Variants in MYOZ2 observed in about 807,000 individuals in gnomAD.
MYOZ2 encodes myozenin-2.
MYOZ2 carries 19 observed loss-of-function variants against 25.4 expected under a neutral mutation model. The observed-to-expected ratio is 0.75, with a 90% confidence interval of 0.52 to 1.10. The LOEUF (loss-of-function observed/expected upper bound fraction) is 1.10, where lower values mean the gene tolerates loss of function less well. MYOZ2 is among the 50% of genes least tolerant of loss of function. The pLI, the probability that MYOZ2 is intolerant of heterozygous loss-of-function variation, is 0.00. For missense variants in MYOZ2, 270 were observed against 317.9 expected, an observed-to-expected ratio of 0.85 and a Z score of 1.15; for synonymous variants, 92 against 106.9, an observed-to-expected ratio of 0.86 and a Z score of 0.86.
At chr4:119,183,431 AAG>A (rs1742228327) in intron 5 of MYOZ2, among the ~76,000 whole-genome samples, 1 of 152,014 alleles carries the variant, frequency 6.6e-6, no homozygotes, top group Non-Finnish European at 1.5e-5. Context: ...AGAAAAAAAA[AAG>A]AGTATGATTA....
intron 4 of MYOZ2, among the ~76,000 whole-genome samples, chr4:119,160,518 ATATC>A (rs2149224143): frequency 6.6e-6 from 1 of 152,264 alleles, no homozygotes; most frequent in Admixed American, 6.5e-5. Flanking sequence ...TGTCCAAAGA[ATATC>A]TATATTTTCA....
chr4:119,155,986 A>G (rs4834758), intron 3 of MYOZ2, among the ~76,000 whole-genome samples: 145,551 of 152,206 alleles, frequency 0.96, 69,628 homozygotes, highest in East Asian at 0.99. Flanking sequence ...GCTATATAAG[A>G]CACCATCTTA....
intron 3 of MYOZ2, among the ~76,000 whole-genome samples, chr4:119,154,542 C>T (rs1384534623): frequency 1.3e-5 from 2 of 152,056 alleles, no homozygotes; most frequent in Admixed American, 6.6e-5. Flanking sequence ...CATTAATCCC[C>T]AGGAAGAGGT....
At chr4:119,142,375 C>T (rs943445204) in intron 2 of MYOZ2, among the ~76,000 whole-genome samples, 2 of 152,148 alleles carry the variant, frequency 1.3e-5, no homozygotes, top group African/African-American at 2.4e-5. Flanking sequence ...GTTGAAATAT[C>T]GCATCCCCAT....
chr4:119,154,464 G>A (rs1428073325), intron 3 of MYOZ2, among the ~76,000 whole-genome samples: 1 of 152,198 alleles, frequency 6.6e-6, no homozygotes, highest in East Asian at 1.9e-4. Context: ...TCTTAACGAT[G>A]ATGTAGAGGT....
chr4:119,150,813 A>T (rs1741429948), intron 2 of MYOZ2, 59 bp from the exon 3 acceptor site: 1 of 1,512,814 alleles, frequency 6.6e-7, no homozygotes, highest in Admixed American at 1.7e-5. Flanking sequence ...TAAGAAATTT[A>T]TAAAAGCATT....
At chr4:119,171,222 A>G (rs977254139) in intron 5 of MYOZ2, among the ~76,000 whole-genome samples, 1 of 152,172 alleles carries the variant, frequency 6.6e-6, no homozygotes, top group African/African-American at 2.4e-5. Context: ...TGACATGATT[A>G]TGTCCATAGA....
intron 2 of MYOZ2, among the ~76,000 whole-genome samples, chr4:119,148,330 C>A (rs929857071): frequency 8.6e-5 from 13 of 151,990 alleles, no homozygotes; most frequent in African/African-American, 2.9e-4. Flanking sequence ...GTGAGTTATT[C>A]AGGTTTATTA....
At chr4:119,171,867 A>C (rs536407939) in intron 5 of MYOZ2, among the ~76,000 whole-genome samples, 21 of 152,000 alleles carry the variant, frequency 1.4e-4, no homozygotes, top group South Asian at 6.2e-4. Context: ...CAGAAGAAAG[A>C]GACAAAGAGA....
chr4:119,145,732 A>C (rs1741278450), intron 2 of MYOZ2, among the ~76,000 whole-genome samples: 1 of 152,070 alleles, frequency 6.6e-6, no homozygotes, highest in Non-Finnish European at 1.5e-5. Flanking sequence ...ACCTTAATGA[A>C]ATGAACTAGG....
chr4:119,172,057 T>C (rs1041801073), intron 5 of MYOZ2, among the ~76,000 whole-genome samples: 9 of 152,218 alleles, frequency 5.9e-5, no homozygotes, highest in African/African-American at 1.9e-4. Context: ...CTTCTAAGTC[T>C]AATCACAATT....
chr4:119,178,523 C>T (rs1167468739), intron 5 of MYOZ2, among the ~76,000 whole-genome samples: 2 of 152,184 alleles, frequency 1.3e-5, no homozygotes, highest in Non-Finnish European at 2.9e-5. Flanking sequence ...CCCTGTTGCT[C>T]ACATAAACAA....
intron 2 of MYOZ2, among the ~76,000 whole-genome samples, chr4:119,150,217 A>T (rs1011337959): frequency 2.6e-5 from 4 of 152,200 alleles, no homozygotes; most frequent in Non-Finnish European, 4.4e-5. Flanking sequence ...CAAACCATAA[A>T]ACAAATAAAA....
chr4:119,165,388 G>A (rs1322645199), intron 5 of MYOZ2, among the ~76,000 whole-genome samples: 1 of 151,796 alleles, frequency 6.6e-6, no homozygotes, highest in Non-Finnish European at 1.5e-5. Flanking sequence ...GCATGTACCT[G>A]TAGTCCCAGC....
chr4:119,163,691 T>C (rs1741756142), intron 4 of MYOZ2, among the ~76,000 whole-genome samples: 1 of 152,164 alleles, frequency 6.6e-6, no homozygotes, highest in South Asian at 2.1e-4. Flanking sequence ...AGTTACTTCA[T>C]CTTCTTGAAG....
At chr4:119,180,238 A>G (rs1052619519) in intron 5 of MYOZ2, among the ~76,000 whole-genome samples, 2 of 152,010 alleles carry the variant, frequency 1.3e-5, no homozygotes, top group Non-Finnish European at 2.9e-5. Flanking sequence ...GTTTGCTTTT[A>G]TTGCCTGTGG....
intron 1 of MYOZ2, 33 bp from the exon 2 acceptor site, chr4:119,136,479 A>T: frequency 6.4e-7 from 1 of 1,560,620 alleles, no homozygotes; most frequent in Non-Finnish European, 8.8e-7. Context: ...AGTTCTTCAC[A>T]TTGCCTCAAT....
At chr4:119,173,905 G>A (rs997050723) in intron 5 of MYOZ2, among the ~76,000 whole-genome samples, 2 of 152,238 alleles carry the variant, frequency 1.3e-5, no homozygotes, top group African/African-American at 2.4e-5. Context: ...TGCCGGCCCG[G>A]GGCAATGAGG....
intron 5 of MYOZ2, among the ~76,000 whole-genome samples, chr4:119,173,143 T>C (rs1174478378): frequency 6.6e-6 from 1 of 152,246 alleles, no homozygotes; most frequent in Non-Finnish European, 1.5e-5. Context: ...ATATATCCAG[T>C]ACTATTAGTT....
Sources: gnomAD v4.1 joint callset for allele counts (sites outside exome capture counted in the v4.1 genomes callset) on GRCh38, gnomAD v4.1.1 for gene constraint, MANE v1.5 for transcripts, NCBI Gene and HGNC (gene_info 2026-07-23, HGNC 2026-07-21) for gene names.